Variants in SRGN observed in about 807,000 individuals in gnomAD.
SRGN encodes serglycin, also known as hematopoetic proteoglycan core peptide.
In SRGN, 2 loss-of-function variants were observed where a neutral mutation model predicts 9.5. The ratio of observed to expected loss-of-function variants is 0.21; its 90% CI spans 0.09 to 0.66. The LOEUF (loss-of-function observed/expected upper bound fraction) is 0.66. Among genes scored for constraint, SRGN ranks in the 30% least tolerant of loss-of-function variants. The probability of loss-of-function intolerance (pLI) is 0.83; values close to 1 mark genes in which losing one functional copy is unlikely to be tolerated. For missense variants in SRGN, 170 were observed against 192.4 expected (o/e 0.88, Z 0.69); for synonymous variants, 59 against 72.3 (o/e 0.82, Z 0.93).
chr10:69,088,154 G>T lies in SRGN; in HGVS notation c.-4G>T. 1 of 1,613,840 alleles carries T rather than the reference G, an allele frequency of 6.2e-7. No homozygotes were observed. The highest frequency in any genetic ancestry group is 8.5e-7 in the Non-Finnish European group (1 of 1,179,780). On this transcript the variant is annotated 5_prime_UTR_variant, in exon 1 of 3. Coordinates refer to ENST00000242465, the MANE Select transcript of SRGN (RefSeq NM_002727.4). ...GCAGCTGGGAGAGCTAGACTAAGTTGGTCATGATGCAGAAGCTACTCAAAT... is the reference window on the plus strand; with the variant it reads ...GCAGCTGGGAGAGCTAGACTAAGTTTGTCATGATGCAGAAGCTACTCAAAT...
At chr10:69,087,969 T>C (rs1447336579), upstream of SRGN, 1 of 605,408 alleles carries the variant, frequency 1.7e-6, no homozygotes, top group Non-Finnish European at 2.9e-6. Flanking sequence ...TATTTTACTG[T>C]GTTCCCCCCA....
Position 69,094,199 on chromosome 10 carries a change from C to T in SRGN, c.80-2885C>T, listed in dbSNP as rs1291592810. Among the ~76,000 whole-genome samples, 3 of 152,156 alleles carry T rather than the reference C, an allele frequency of 2.0e-5. No individual in the cohort carries two copies. In the East Asian group the frequency reaches 5.8e-4, roughly 29 times the overall value. On this transcript the variant is annotated intron_variant, in intron 1 of 2. Transcript: ENST00000242465. ...GGGCAGACATTGAAAGGTCATTTTG[C>T]CTGCCTTATCCCCAGCCTCCAGGCA...
chr10:69,088,711 T>C (rs1320320626), intron 1 of SRGN, among the ~76,000 whole-genome samples: 1 of 110,550 alleles, frequency 9.0e-6, no homozygotes, highest in Non-Finnish European at 2.2e-5. Flanking sequence ...GTGTATTTTC[T>C]TTTCTTTTTT....
chr10:69,100,001 G>A (rs1423543501), intron 2 of SRGN, among the ~76,000 whole-genome samples: 1 of 152,064 alleles, frequency 6.6e-6, no homozygotes, highest in African/African-American at 2.4e-5. Context: ...GAGGCGGATA[G>A]CTTGAGGTCA....
In SRGN at chr10:69,104,293, T is replaced by TAAG; in HGVS notation, c.*175_*176insGAA. 2.3e-6 allele frequency: 2 copies of TAAG among 852,594 alleles called. No homozygotes were observed. The highest frequency in any genetic ancestry group is 3.4e-6 in the Non-Finnish European group (2 of 585,996). 52.8% of individuals were successfully genotyped at this position (852,594 alleles called of 1,614,324 possible). ...CATGAATTCTTAAAGGATTATGCTT[T>TAAG]AATGCTGTTATCTATTTTATTGTTC... On this transcript the variant is annotated 3_prime_UTR_variant, in exon 3 of 3. Coordinates refer to ENST00000242465, the MANE Select transcript of SRGN (RefSeq NM_002727.4).
intron 2 of SRGN, among the ~76,000 whole-genome samples, chr10:69,100,969 T>TTTTC (rs1554850910): frequency 6.7e-6 from 1 of 149,090 alleles, no homozygotes; most frequent in African/African-American, 2.5e-5. Context: ...GGAAGTATTT[T>TTTTC]TTTCTTTCTT....
chr10:69,091,333 G>A (rs980688310), intron 1 of SRGN, among the ~76,000 whole-genome samples: 7 of 152,172 alleles, frequency 4.6e-5, no homozygotes, highest in Admixed American at 2.6e-4. Context: ...TCCTTTGACC[G>A]TAGCCCTTGC....
In SRGN at chr10:69,090,078, C is replaced by T. The variant is rs79621479; in HGVS notation, c.79+1842C>T. 3.6e-3 allele frequency among the ~76,000 whole-genome samples: 548 copies of T among 152,084 alleles called. 9 individuals are homozygous for T. The highest frequency in any genetic ancestry group is 0.013 in the African/African-American group (523 of 41,474). On this transcript the variant is annotated intron_variant, in intron 1 of 2. Transcript: ENST00000242465. ...AGAAACTGACAAACTAGGGTGTTTC[C>T]GAAAAAAGGCTCTCAGTATCGGGCT...
chr10:69,096,022 T>C (rs1238282481), intron 1 of SRGN, among the ~76,000 whole-genome samples: 1 of 152,258 alleles, frequency 6.6e-6, no homozygotes, highest in African/African-American at 2.4e-5. Context: ...GAGACTCAGA[T>C]ATTCCAAGCT....
rs780534834 is a variant in SRGN, at chr10:69,097,093, C to T, written c.89C>T (p.Thr30Met). 3 of 1,613,816 alleles carry T rather than the reference C, an allele frequency of 1.9e-6. No homozygotes were observed. Among genetic ancestry groups the T allele is most frequent in the Non-Finnish European group, 8.5e-7 (1 of 1,179,862 alleles). Reference sequence around the variant, plus strand: ...TGGGTTCCTCGGGCAGGTTATCCTACGCGGAGAGCCAGGTACCAATGGGTG... The same window carrying T: ...TGGGTTCCTCGGGCAGGTTATCCTATGCGGAGAGCCAGGTACCAATGGGTG... ...VLESSVQGYPTRRARYQWVRC... is the reference protein window; with the variant it reads ...VLESSVQGYPMRRARYQWVRC... The change falls in exon 2 of 3, where the codon ACG (threonine) becomes ATG (methionine). Residue 30 changes from threonine (T) to methionine (M), a missense_variant. Thr to Met is a moderately conservative substitution (Grantham distance 81, BLOSUM62 -1). Transcript: ENST00000242465.
intron 1 of SRGN, among the ~76,000 whole-genome samples, chr10:69,091,115 C>G (rs1486649828): frequency 6.6e-6 from 1 of 152,148 alleles, no homozygotes; most frequent in Non-Finnish European, 1.5e-5. Flanking sequence ...GGAATTAGCA[C>G]CAATTATAGA....
In SRGN at chr10:69,091,879, CAAAAAAAA is replaced by C. The variant is rs1177012248; in HGVS notation, c.79+3665_79+3672del. ...TGGGCGATAGACTGAGACTCTGTCTCAAAAAAAAAAAAAAAAAAAAAAAAAAAAAGAAA... is the reference window on the plus strand; with the variant it reads ...TGGGCGATAGACTGAGACTCTGTCTCAAAAAAAAAAAAAAAAAAAAAGAAA... On this transcript the variant is annotated intron_variant, in intron 1 of 2. Transcript: ENST00000242465. Among the ~76,000 whole-genome samples, 188 of 31,746 alleles carry C rather than the reference CAAAAAAAA, an allele frequency of 5.9e-3. 1 individual carries two copies. Among genetic ancestry groups the C allele is most frequent in the Non-Finnish European group, 7.0e-3 (148 of 21,252 alleles). The allele number at this position is 31,746 out of a possible 152,430, so 20.8% of individuals were successfully genotyped here.
intron 2 of SRGN, among the ~76,000 whole-genome samples, chr10:69,100,221 A>G (rs1840260575): frequency 6.6e-6 from 1 of 152,060 alleles, no homozygotes; most frequent in Admixed American, 6.6e-5. Flanking sequence ...AAATTAGCCA[A>G]GCATGGAGAA....
At chr10:69,094,533 CTA>C (rs1840135325) in intron 1 of SRGN, among the ~76,000 whole-genome samples, 1 of 152,036 alleles carries the variant, frequency 6.6e-6, no homozygotes, top group African/African-American at 2.4e-5. Flanking sequence ...ATAATTGAAA[CTA>C]TTATTCATGC....
chr10:69,097,989 G>T (rs1840213016), intron 2 of SRGN, among the ~76,000 whole-genome samples: 1 of 152,170 alleles, frequency 6.6e-6, no homozygotes, highest in South Asian at 2.1e-4. Flanking sequence ...CTCTTACTCT[G>T]CAGTACATGG....
Position 69,097,187 on chromosome 10 carries a change from A to G in SRGN, c.183A>G (p.Pro61=), listed in dbSNP as rs11548209. 2 of 1,614,126 alleles carry G rather than the reference A, an allele frequency of 1.2e-6. No individual in the cohort carries two copies. Among genetic ancestry groups the G allele is most frequent in the East Asian group, 2.2e-5 (1 of 44,884 alleles). ...AAGGACCAATGTTCGAACTACTTCC[A>G]GGTGAATCCAACAAGATCCCCCGTC... ...EEKGPMFELL[P]GESNKIPRLR... is the part of the protein sequence containing the mutation. Residue 61 remains proline (P), a synonymous_variant, in exon 2 of 3, where the codon CCA becomes CCG. Transcript: ENST00000242465.
rs184921069 is a variant in SRGN, at chr10:69,096,596, A to C, written c.80-488A>C. On this transcript the variant is annotated intron_variant, in intron 1 of 2. Transcript: ENST00000242465. ...GACAATTTATATAAAATGTTGGCAC[A>C]TAGTGGGTGCTGCTGTTATATGAAT... 2.0e-4 allele frequency among the ~76,000 whole-genome samples: 31 copies of C among 152,352 alleles called. No individual in the cohort carries two copies. The East Asian group carries it at 5.2e-3, about 26-fold the overall frequency.
chr10:69,104,090 A>G lies in SRGN; in HGVS notation c.447A>G (p.Gln149=). ...CCTCAGACAGCCAGGACTTGGGTCA[A>G]CATGGATTAGAAGAGGATTTTATGT... ...NLPSDSQDLG[Q]HGLEEDFML The change falls in exon 3 of 3, where the codon CAA becomes CAG. Residue 149 remains glutamine (Q), a synonymous_variant. Transcript: ENST00000242465. 6.2e-7 allele frequency: 1 copy of G among 1,614,240 alleles called. No homozygotes were observed.
chr10:69,090,740 A>G (rs577653761), intron 1 of SRGN, among the ~76,000 whole-genome samples: 2 of 152,226 alleles, frequency 1.3e-5, no homozygotes, highest in African/African-American at 2.4e-5. Flanking sequence ...TATTTTTATT[A>G]TAAGTCAAAC....
Sources: gnomAD v4.1 joint callset for allele counts (sites outside exome capture counted in the v4.1 genomes callset) on GRCh38, gnomAD v4.1.1 for gene constraint, MANE v1.5 for transcripts, NCBI Gene and HGNC (gene_info 2026-07-23, HGNC 2026-07-21) for gene names.